Variants in SPIDR observed in about 807,000 individuals in gnomAD.
The protein encoded by SPIDR is DNA repair-scaffolding protein.
SPIDR carries 93 observed loss-of-function variants against 104.6 expected under a neutral mutation model. The observed-to-expected ratio is 0.89, with a 90% CI of 0.75 to 1.06. The LOEUF (loss-of-function observed/expected upper bound fraction) is 1.06, where lower values mean the gene tolerates loss of function less well. Ranked by LOEUF, SPIDR falls within the 50% of genes least tolerant of loss-of-function variation. The pLI, the probability that SPIDR is intolerant of heterozygous loss-of-function variation, is 0.00. For missense variants in SPIDR, 1,154 were observed against 1,111.2 expected (o/e 1.04, Z -0.55); for synonymous variants, 431 against 416.9 (o/e 1.03, Z -0.41).
At chr8:47,329,717 T>C (rs1017439685) in intron 5 of SPIDR, among the ~76,000 whole-genome samples, 8 of 152,338 alleles carry the variant, frequency 5.3e-5, no homozygotes, top group Admixed American at 2.6e-4. Flanking sequence ...TTTTGTCTTT[T>C]ATAGAAGGGA....
At chr8:47,487,737 A>C (rs1226454396) in intron 8 of SPIDR, among the ~76,000 whole-genome samples, 1 of 152,246 alleles carries the variant, frequency 6.6e-6, no homozygotes, top group African/African-American at 2.4e-5. Flanking sequence ...AAACTGCACA[A>C]CGTGCTCCTG....
intron 17 of SPIDR, among the ~76,000 whole-genome samples, chr8:47,728,491 C>T (rs1362197875): frequency 6.6e-6 from 1 of 152,114 alleles, no homozygotes; most frequent in Non-Finnish European, 1.5e-5. Context: ...CAAATGTCTC[C>T]TTGGCATATC....
chr8:47,599,561 C>G (rs1327444398), intron 10 of SPIDR, among the ~76,000 whole-genome samples: 1 of 152,150 alleles, frequency 6.6e-6, no homozygotes, highest in Non-Finnish European at 1.5e-5. Flanking sequence ...TCTCGAAAAC[C>G]TGAGTAAATA....
At chr8:47,547,527 A>G in intron 8 of SPIDR, 1 of 182,876 alleles carries the variant, frequency 5.5e-6, no homozygotes, top group South Asian at 1.0e-4. Flanking sequence ...CCTGGGTTTA[A>G]GCAATTCTCC....
chr8:47,611,815 T>C (rs908507529), intron 10 of SPIDR, among the ~76,000 whole-genome samples: 3 of 152,114 alleles, frequency 2.0e-5, no homozygotes, highest in Non-Finnish European at 2.9e-5. Context: ...AGGCAGATGA[T>C]AGAAGAATTA....
chr8:47,354,461 A>C (rs1288409210), intron 5 of SPIDR, among the ~76,000 whole-genome samples: 2 of 152,030 alleles, frequency 1.3e-5, no homozygotes, highest in African/African-American at 4.8e-5. Context: ...TTGCCTGAGA[A>C]TTACGCATAT....
intron 8 of SPIDR, among the ~76,000 whole-genome samples, chr8:47,488,975 C>T (rs1236980236): frequency 1.3e-5 from 2 of 152,136 alleles, no homozygotes; most frequent in African/African-American, 4.8e-5. Context: ...CACTCCTATT[C>T]AACATAGTGT....
intron 10 of SPIDR, among the ~76,000 whole-genome samples, chr8:47,658,194 G>A (rs966122129): frequency 2.0e-5 from 3 of 151,982 alleles, no homozygotes; most frequent in Non-Finnish European, 2.9e-5. Context: ...CGAGGCGGGC[G>A]GATCACCTGA....
chr8:47,310,653 A>G (rs1336086500), intron 5 of SPIDR, among the ~76,000 whole-genome samples: 1 of 152,128 alleles, frequency 6.6e-6, no homozygotes, highest in East Asian at 1.9e-4. Context: ...CGGAAGCTTG[A>G]ATAAAAACCA....
At chr8:47,608,948 C>G (rs928841029) in intron 10 of SPIDR, among the ~76,000 whole-genome samples, 1 of 152,180 alleles carries the variant, frequency 6.6e-6, no homozygotes, top group Admixed American at 6.5e-5. Flanking sequence ...TGGATGGTCT[C>G]TATCTCTCGA....
chr8:47,490,872 G>C (rs182426886), intron 8 of SPIDR, among the ~76,000 whole-genome samples: 1 of 152,270 alleles, frequency 6.6e-6, no homozygotes, highest in Admixed American at 6.5e-5. Flanking sequence ...GGGAGGGATA[G>C]CATTATGAGA....
intron 7 of SPIDR, among the ~76,000 whole-genome samples, chr8:47,410,669 A>G (rs1554670590): frequency 6.6e-6 from 1 of 151,784 alleles, no homozygotes; most frequent in Non-Finnish European, 1.5e-5. Context: ...TTTTATTATT[A>G]TTATTATATT....
intron 11 of SPIDR, chr8:47,688,469 C>CCT (rs934050278): frequency 6.6e-6 from 1 of 152,290 alleles, no homozygotes; most frequent in African/African-American, 2.4e-5. Context: ...CCCAGCTGCA[C>CCT]ACAAAAGGAC....
chr8:47,279,144 C>T (rs1223442434), intron 1 of SPIDR: 2 of 156,490 alleles, frequency 1.3e-5, no homozygotes, highest in Non-Finnish European at 2.8e-5. Context: ...ATCCTCCTGC[C>T]TTGGCCTCCC....
chr8:47,634,825 T>C (rs561478265), intron 10 of SPIDR, among the ~76,000 whole-genome samples: 1 of 152,322 alleles, frequency 6.6e-6, no homozygotes, highest in South Asian at 2.1e-4. Context: ...CACAGAACAT[T>C]TGTTTTCTGC....
At chr8:47,545,639 T>C (rs1207033628) in intron 8 of SPIDR, among the ~76,000 whole-genome samples, 5 of 152,192 alleles carry the variant, frequency 3.3e-5, no homozygotes, top group Non-Finnish European at 5.9e-5. Flanking sequence ...TTTCTTGCCT[T>C]ATTGCACTGG....
intron 7 of SPIDR, among the ~76,000 whole-genome samples, chr8:47,436,597 G>A (rs953240831): frequency 2.1e-4 from 32 of 152,130 alleles, no homozygotes; most frequent in African/African-American, 6.5e-4. Context: ...ATGGTGGTGC[G>A]AGCCTGTCAT....
chr8:47,359,248 G>T (rs1157137375), intron 5 of SPIDR, among the ~76,000 whole-genome samples: 1 of 111,158 alleles, frequency 9.0e-6, no homozygotes, highest in Non-Finnish European at 1.9e-5. Context: ...GCGAGACTCC[G>T]TCTCAAAAAA....
chr8:47,590,846 T>A (rs562914633), intron 8 of SPIDR, among the ~76,000 whole-genome samples: 1 of 152,352 alleles, frequency 6.6e-6, no homozygotes, highest in East Asian at 1.9e-4. Context: ...CAGATACATT[T>A]AGGATTGCTA....
Sources: gnomAD v4.1 joint callset for allele counts (sites outside exome capture counted in the v4.1 genomes callset) on GRCh38, gnomAD v4.1.1 for gene constraint, MANE v1.5 for transcripts, NCBI Gene and HGNC (gene_info 2026-07-23, HGNC 2026-07-21) for gene names.